The following KCNQ5 variants were observed in gnomAD, a reference collection of about 807,000 sequenced individuals.
KCNQ5 encodes potassium voltage-gated channel subfamily KQT member 5.
In KCNQ5, 30 loss-of-function variants were observed where a neutral mutation model predicts 98.2. That is an observed-to-expected ratio of 0.31 (90% CI 0.23 to 0.41). The LOEUF (loss-of-function observed/expected upper bound fraction) is 0.41, where lower values mean the gene tolerates loss of function less well. Ranked by LOEUF, KCNQ5 falls within the 10% of genes least tolerant of loss-of-function variation. KCNQ5 has a pLI of 1.00. For synonymous variants in KCNQ5, 458 were observed against 449.4 expected (o/e 1.02, Z -0.24); for missense variants, 835 against 1,182.5 (o/e 0.71, Z 4.31).
chr6:73,082,178 C>T (rs1490707003), intron 5 of KCNQ5, among the ~76,000 whole-genome samples: 1 of 152,172 alleles, frequency 6.6e-6, no homozygotes, highest in Non-Finnish European at 1.5e-5. Context: ...GCAAAGCAGA[C>T]CATCCCTGCC....
At chr6:72,930,978 T>C (rs1461049287) in intron 1 of KCNQ5, among the ~76,000 whole-genome samples, 1 of 152,190 alleles carries the variant, frequency 6.6e-6, no homozygotes, top group Non-Finnish European at 1.5e-5. Context: ...CTTTTACGTT[T>C]GTTGGCTGAC....
At position 72,923,937 on chromosome 6, in the gene KCNQ5, T is replaced by A. The variant is rs183285507; in HGVS notation, c.399-79971T>A. ...AAACAGTTTTTGTCTTAGGGGATAA[T>A]TTTTTAACACAATGGTTTCCTTTTC... On this transcript the variant is annotated intron_variant, in intron 1 of 13. Coordinates refer to ENST00000370398, the MANE Select transcript of KCNQ5 (RefSeq NM_019842.4). Among the ~76,000 whole-genome samples the A allele has an allele frequency of 2.7e-3, 408 of 152,310 alleles. 4 individuals are homozygous for A. The highest frequency in any genetic ancestry group is 0.02 in the East Asian group (105 of 5,188).
In KCNQ5 at chr6:73,045,147, C is replaced by T. The variant is rs576704398; in HGVS notation, c.616+3085C>T. 3.9e-5 allele frequency among the ~76,000 whole-genome samples: 6 copies of T among 152,308 alleles called. No individual in the cohort carries two copies. In the East Asian group the frequency reaches 9.6e-4, roughly 24 times the overall value. Reference sequence around the variant, plus strand: ...AGCATGTCCCCTTCTGAACTGCCCACCTTCCTTACCCCTGCACTCTAGCCA... The same window carrying T: ...AGCATGTCCCCTTCTGAACTGCCCATCTTCCTTACCCCTGCACTCTAGCCA... On this transcript the variant is annotated intron_variant, in intron 3 of 13. Transcript: ENST00000370398.
intron 1 of KCNQ5, among the ~76,000 whole-genome samples, chr6:72,859,764 A>G (rs1315494444): frequency 6.6e-6 from 1 of 151,890 alleles, no homozygotes; most frequent in Non-Finnish European, 1.5e-5. Flanking sequence ...TCATGTGTGT[A>G]TTTTTAGTAG....
chr6:72,674,421 A>G (rs970431286), intron 1 of KCNQ5, among the ~76,000 whole-genome samples: 1 of 152,100 alleles, frequency 6.6e-6, no homozygotes, highest in Non-Finnish European at 1.5e-5. Context: ...TAAAGAACTT[A>G]CTGTACCCCT....
intron 1 of KCNQ5, among the ~76,000 whole-genome samples, chr6:72,910,110 C>T (rs1363534839): frequency 6.6e-6 from 1 of 152,108 alleles, no homozygotes; most frequent in East Asian, 1.9e-4. Flanking sequence ...CGGTTACAAA[C>T]ACATTACTAC....
chr6:73,117,748 A>G (rs1775566330), intron 7 of KCNQ5, among the ~76,000 whole-genome samples: 2 of 152,234 alleles, frequency 1.3e-5, no homozygotes, highest in South Asian at 4.1e-4. Context: ...ACATTAGAGG[A>G]TCTCTGGGCA....
chr6:73,137,376 A>G (rs1388049760), intron 10 of KCNQ5, among the ~76,000 whole-genome samples: 1 of 152,220 alleles, frequency 6.6e-6, no homozygotes. Context: ...CAAACGAAAG[A>G]AAGTAAACTC....
chr6:73,074,333 C>T (rs1247952396), intron 3 of KCNQ5, among the ~76,000 whole-genome samples: 1 of 152,106 alleles, frequency 6.6e-6, no homozygotes, highest in Non-Finnish European at 1.5e-5. Flanking sequence ...GACTGTAACC[C>T]AACCAGAAAC....
chr6:73,011,687 C>A (rs1770067711), intron 2 of KCNQ5, among the ~76,000 whole-genome samples: 1 of 152,006 alleles, frequency 6.6e-6, no homozygotes, highest in African/African-American at 2.4e-5. Flanking sequence ...AAAGGCAACA[C>A]ACAGAATGAG....
At chr6:72,652,762 A>C (rs375231030) in intron 1 of KCNQ5, among the ~76,000 whole-genome samples, 1 of 152,056 alleles carries the variant, frequency 6.6e-6, no homozygotes, top group South Asian at 2.1e-4. Context: ...GCACTGTGCT[A>C]GTGAGGAAAG....
chr6:72,644,672 A>T lies in KCNQ5; in HGVS notation c.398+22085A>T, dbSNP rs932341761. On this transcript the variant is annotated intron_variant, in intron 1 of 13. Coordinates refer to ENST00000370398, the MANE Select transcript of KCNQ5 (RefSeq NM_019842.4). ...TAGATGAAAGTTATCTTTAGCGAAT[A>T]GGGCTGTGGGGAAGGAATGAGACAA... is the stretch of plus-strand genomic sequence containing the variant. 7.2e-5 allele frequency among the ~76,000 whole-genome samples: 11 copies of T among 152,162 alleles called. No homozygotes were observed. In the South Asian group the frequency reaches 2.3e-3, roughly 31 times the overall value.
At chr6:72,919,739 G>A (rs1405299384) in intron 1 of KCNQ5, among the ~76,000 whole-genome samples, 1 of 152,146 alleles carries the variant, frequency 6.6e-6, no homozygotes, top group Admixed American at 6.5e-5. Context: ...TGTTCTGGGT[G>A]GGCTTGCATT....
intron 2 of KCNQ5, among the ~76,000 whole-genome samples, chr6:73,007,257 C>T (rs1227453303): frequency 1.3e-5 from 2 of 152,126 alleles, no homozygotes; most frequent in Admixed American, 6.5e-5. Flanking sequence ...AACCAGGTTC[C>T]TTATTTCTCT....
At chr6:72,825,887 G>C (rs771076833) in intron 1 of KCNQ5, among the ~76,000 whole-genome samples, 2 of 152,110 alleles carry the variant, frequency 1.3e-5, no homozygotes, top group Non-Finnish European at 2.9e-5. Context: ...TTTAAATGAA[G>C]AGAGAAAACT....
At chr6:73,165,037 A>T (rs1777740915) in intron 10 of KCNQ5, among the ~76,000 whole-genome samples, 1 of 152,110 alleles carries the variant, frequency 6.6e-6, no homozygotes, top group East Asian at 1.9e-4. Flanking sequence ...GGAGTGAAGC[A>T]GTACAATCAT....
intron 1 of KCNQ5, among the ~76,000 whole-genome samples, chr6:72,972,648 T>C (rs1052003592): frequency 2.0e-5 from 3 of 152,138 alleles, no homozygotes; most frequent in South Asian, 4.1e-4. Flanking sequence ...CCAGCTTCAT[T>C]CATGTCCCTG....
At chr6:73,129,854 C>A in intron 9 of KCNQ5, 1 of 1,610,742 alleles carries the variant, frequency 6.2e-7, no homozygotes, top group Non-Finnish European at 8.5e-7. Context: ...GCAGAGGTAC[C>A]CAGCATCCGG....
chr6:72,882,285 A>G (rs1407422183), intron 1 of KCNQ5, among the ~76,000 whole-genome samples: 5 of 152,248 alleles, frequency 3.3e-5, no homozygotes, highest in Admixed American at 2.6e-4. Flanking sequence ...GATATATTTA[A>G]TCTCTGAATT....
Sources: allele counts gnomAD v4.1 joint callset (sites outside exome capture counted in the v4.1 genomes callset), GRCh38; gene constraint gnomAD v4.1.1; transcripts MANE v1.5; gene names NCBI Gene and HGNC (gene_info 2026-07-23, HGNC 2026-07-21).